The following ADAMTSL3 variants were observed in gnomAD, a reference collection of about 807,000 sequenced individuals.
The protein encoded by ADAMTSL3 is ADAMTS like 3.
Under a neutral mutation model 201.7 loss-of-function variants are expected in ADAMTSL3, and 128 were observed. That is an observed-to-expected ratio of 0.63 (90% CI 0.55 to 0.73). The LOEUF (loss-of-function observed/expected upper bound fraction) is 0.73. ADAMTSL3 is among the 30% of genes least tolerant of loss of function. The probability of loss-of-function intolerance (pLI) is 0.00; values close to 1 mark genes in which losing one functional copy is unlikely to be tolerated. For missense variants in ADAMTSL3, 1,990 were observed against 2,119.6 expected, an observed-to-expected ratio of 0.94 and a Z score of 1.20; for synonymous variants, 738 against 748.4, an observed-to-expected ratio of 0.99 and a Z score of 0.23.
intron 3 of ADAMTSL3, 107 bp from the exon 4 acceptor site, chr15:83,773,416 A>G: frequency 3.8e-6 from 5 of 1,309,470 alleles, no homozygotes; most frequent in Non-Finnish European, 5.3e-6. Context: ...ATTAAAAAAA[A>G]AAAGGTGACT....
At chr15:84,031,221 G>T in intron 27 of ADAMTSL3, 114 bp from the exon 28 acceptor site, 1 of 1,005,782 alleles carries the variant, frequency 9.9e-7, no homozygotes, top group Non-Finnish European at 1.5e-6. Context: ...GGGACAGTTG[G>T]TTACAGTCCC....
At chr15:83,776,472 C>A (rs574364122) in intron 4 of ADAMTSL3, among the ~76,000 whole-genome samples, 62 of 152,320 alleles carry the variant, frequency 4.1e-4, no homozygotes, top group African/African-American at 1.4e-3. Context: ...AATCCCAGCA[C>A]TTTGGGAGGC....
At chr15:83,680,778 A>G (rs1388958240) in intron 2 of ADAMTSL3, among the ~76,000 whole-genome samples, 1 of 151,568 alleles carries the variant, frequency 6.6e-6, no homozygotes, top group African/African-American at 2.4e-5. Context: ...ATTTCCTTTC[A>G]TTATTTTTTT....
rs78040702 is a variant in ADAMTSL3 at position 84,002,764 on chromosome 15, A to T, written c.3973+11550A>T. ...TGAATCGGACTTTCTTATAAAAAAA[A>T]TTTTAAAGAACTTGTTCTGATACTA... On this transcript the variant is annotated intron_variant, in intron 23 of 29. Transcript: ENST00000286744. 6.6e-3 allele frequency among the ~76,000 whole-genome samples: 1,009 copies of T among 152,186 alleles called. 8 individuals carry two copies. The highest frequency in any genetic ancestry group is 0.022 in the African/African-American group (920 of 41,516).
In ADAMTSL3 at chr15:83,982,556, C is replaced by A; in HGVS notation, c.2928C>A (p.Asp976Glu). ...AAATCCATGGTCTTGCTGCCCCCGA[C>A]ATCGGCGTGTACCGGTGCATTGCAG... ...SLKIHGLAAP[D>E]IGVYRCIAGS... The change falls in exon 21 of 30, where the codon GAC (aspartate) becomes GAA (glutamate). Residue 976 changes from aspartate (D) to glutamate (E), a missense_variant. Transcript: ENST00000286744. 6.2e-7 allele frequency: 1 copy of A among 1,614,210 alleles called. No individual in the cohort carries two copies. The highest frequency in any genetic ancestry group is 8.5e-7 in the Non-Finnish European group (1 of 1,180,040).
rs182196201 is a variant in ADAMTSL3 at position 83,768,770 on chromosome 15, C to G, written c.190-4753C>G. On this transcript the variant is annotated intron_variant, in intron 3 of 29. Coordinates refer to ENST00000286744, the MANE Select transcript of ADAMTSL3 (RefSeq NM_207517.3). The stretch of plus-strand genomic sequence containing the variant: ...TCATTCTGCTTCAGTGGAGTTATTT[C>G]TGAATGTCTGTGTTATCATTATGCT... Among the ~76,000 whole-genome samples the G allele has an allele frequency of 4.3e-4, 66 of 152,304 alleles. No individual in the cohort carries two copies. In the Middle Eastern group the frequency reaches 0.014, roughly 31 times the overall value.
At chr15:83,881,909 T>G (rs1271652196) in intron 9 of ADAMTSL3, among the ~76,000 whole-genome samples, 1 of 151,244 alleles carries the variant, frequency 6.6e-6, no homozygotes, top group Non-Finnish European at 1.5e-5. Flanking sequence ...ATCCCAGCAC[T>G]TTGGGAAGCG....
intron 4 of ADAMTSL3, among the ~76,000 whole-genome samples, chr15:83,780,614 GCAAT>G (rs1028209095): frequency 6.6e-6 from 1 of 152,046 alleles, no homozygotes; most frequent in African/African-American, 2.4e-5. Context: ...TTTGGATGAG[GCAAT>G]CAGACAAGAG....
intron 20 of ADAMTSL3, among the ~76,000 whole-genome samples, chr15:83,975,210 G>C (rs2067265747): frequency 6.6e-6 from 1 of 151,664 alleles, no homozygotes; most frequent in South Asian, 2.1e-4. Context: ...CACCATGTTA[G>C]CCAGGATGGT....
chr15:84,019,757 T>A (rs2068162529), intron 25 of ADAMTSL3, among the ~76,000 whole-genome samples: 1 of 151,458 alleles, frequency 6.6e-6, no homozygotes, highest in African/African-American at 2.4e-5. Flanking sequence ...CCCGGCGCGG[T>A]GGTGCACACC....
In ADAMTSL3 at chr15:84,016,347, C is replaced by CT. The variant is rs570501496; in HGVS notation, c.4157-35dup. The CT allele has an allele frequency of 1.3e-3, 1,998 of 1,540,880 alleles. 5 individuals are homozygous for CT. The highest frequency in any genetic ancestry group is 1.9e-3 in the Admixed American group (116 of 59,708). On this transcript the variant is annotated intron_variant, in intron 24 of 29. Transcript: ENST00000286744. ...AGCTGGACCAATAATTAGATAATGT[C>CT]TAACTGGTAAAAGTGCTACTTTTTT... is the stretch of plus-strand genomic sequence containing the variant.
intron 4 of ADAMTSL3, among the ~76,000 whole-genome samples, chr15:83,791,268 A>G (rs554914834): frequency 6.6e-6 from 1 of 152,344 alleles, no homozygotes; most frequent in African/African-American, 2.4e-5. Context: ...AAAGACCTCA[A>G]ATAAATTAAG....
chr15:83,677,126 T>C lies in ADAMTSL3; in HGVS notation c.69+21296T>C, dbSNP rs78686585. The stretch of plus-strand genomic sequence containing the variant: ...GATTTCTAGTTTTATTCCATTGTGG[T>C]CAAATAATAGACTCTGTCTGATTTT... On this transcript the variant is annotated intron_variant, in intron 2 of 29. Transcript: ENST00000286744. 3.5e-4 allele frequency among the ~76,000 whole-genome samples: 53 copies of C among 152,366 alleles called. 1 individual carries two copies. The East Asian group carries it at 7.9e-3, about 23-fold the overall frequency.
chr15:83,939,748 A>C (rs2142028405), intron 17 of ADAMTSL3, among the ~76,000 whole-genome samples: 1 of 151,980 alleles, frequency 6.6e-6, no homozygotes, highest in African/African-American at 2.4e-5. Context: ...CAGCCTACCA[A>C]GTAGCTGGGA....
At chr15:83,934,976 A>G (rs1814872846) in intron 17 of ADAMTSL3, among the ~76,000 whole-genome samples, 1 of 152,228 alleles carries the variant, frequency 6.6e-6, no homozygotes, top group African/African-American at 2.4e-5. Context: ...GTTCTCACTT[A>G]CAGGTGGGAG....
chr15:83,891,491 G>T, intron 12 of ADAMTSL3, 112 bp downstream of exon 12: 1 of 872,680 alleles, frequency 1.1e-6, no homozygotes. Flanking sequence ...ATACTTTATA[G>T]AGCTAAGGGA....
chr15:83,800,687 A>G (rs530893503), intron 4 of ADAMTSL3, among the ~76,000 whole-genome samples: 38 of 152,270 alleles, frequency 2.5e-4, no homozygotes, highest in African/African-American at 9.1e-4. Context: ...ATTGCCATCA[A>G]TTCAAATATT....
At chr15:83,660,371 C>G (rs768167635) in intron 2 of ADAMTSL3, among the ~76,000 whole-genome samples, 25 of 152,168 alleles carry the variant, frequency 1.6e-4, no homozygotes, top group Admixed American at 3.3e-4. Flanking sequence ...GGAAGGTAGT[C>G]CTGGGTCAGG....
chr15:83,845,230 G>GT (rs1359661038), intron 7 of ADAMTSL3, among the ~76,000 whole-genome samples: 3 of 152,192 alleles, frequency 2.0e-5, no homozygotes, highest in Non-Finnish European at 4.4e-5. Context: ...GAAAGAAGTG[G>GT]TTATTTCATT....
Sources: allele counts gnomAD v4.1 joint callset (sites outside exome capture counted in the v4.1 genomes callset), GRCh38; gene constraint gnomAD v4.1.1; transcripts MANE v1.5; gene names NCBI Gene and HGNC (gene_info 2026-07-23, HGNC 2026-07-21).